The following NAA11 variants were observed in gnomAD, a reference collection of about 807,000 sequenced individuals.
NAA11 encodes N-alpha-acetyltransferase 11.
In NAA11, 15 loss-of-function variants were observed where a neutral mutation model predicts 16.1. The observed-to-expected ratio is 0.93, with a 90% CI of 0.62 to 1.44. NAA11 has a LOEUF of 1.44. Among genes scored for constraint, NAA11 ranks in the 40% most tolerant of loss-of-function variants. NAA11 has a pLI of 0.00. For missense variants in NAA11, 298 were observed against 291.3 expected (o/e 1.02, Z -0.17); for synonymous variants, 122 against 112.4 (o/e 1.09, Z -0.54).
intron 1 of NAA11, 119 bp downstream of exon 1, chr4:79,325,057 G>T: frequency 1.1e-6 from 1 of 883,672 alleles, no homozygotes; most frequent in Non-Finnish European, 1.7e-6. Flanking sequence ...TCACCAGGTG[G>T]TTTTTACCGT....
At chr4:79,205,252 C>T in the NAA11 span, among the ~76,000 whole-genome samples, 1 of 152,018 alleles carries the variant, frequency 6.6e-6, no homozygotes, top group African/African-American at 2.4e-5. Flanking sequence ...ACATTGTTTT[C>T]CATAGAGGTT....
chr4:79,272,255 T>G (rs1175633902), intron 2 of NAA11, among the ~76,000 whole-genome samples: 1 of 152,068 alleles, frequency 6.6e-6, no homozygotes, highest in African/African-American at 2.4e-5. Flanking sequence ...CATCTACAGA[T>G]TCATATTTGA....
rs548749924 is a variant in NAA11 at position 79,281,337 on chromosome 4, A to G, written c.*122+12668T>C. Reference sequence around the variant, plus strand: ...TCCAACTGTAGAAATGATGTGGCATAGATAATAAATACATATCATAAAGTA... The same window carrying G: ...TCCAACTGTAGAAATGATGTGGCATGGATAATAAATACATATCATAAAGTA... On this transcript the variant is annotated intron_variant and NMD_transcript_variant, in intron 2 of 2. Coordinates refer to the NAA11 transcript ENST00000511542. Among the ~76,000 whole-genome samples the G allele has an allele frequency of 4.6e-5, 7 of 152,106 alleles. No homozygotes were observed. In the East Asian group the frequency reaches 7.7e-4, roughly 17 times the overall value.
At chr4:79,222,385 C>A (rs1432096047), downstream of NAA11, among the ~76,000 whole-genome samples, 1 of 151,660 alleles carries the variant, frequency 6.6e-6, no homozygotes, top group African/African-American at 2.4e-5. Flanking sequence ...GAAAAACAAG[C>A]AATGGGGAAA....
chr4:79,189,145 C>CAAAAAAAAA, the NAA11 span, among the ~76,000 whole-genome samples: 31 of 42,290 alleles, frequency 7.3e-4, 8 homozygotes, highest in South Asian at 9.2e-3. Context: ...GACTCCATCT[C>CAAAAAAAAA]AAAAAAAAAA....
downstream of NAA11, among the ~76,000 whole-genome samples, chr4:79,312,012 A>C (rs976439377): frequency 2.6e-5 from 4 of 152,094 alleles, no homozygotes; most frequent in African/African-American, 9.7e-5. Context: ...CCTTTCTTTC[A>C]CATTAATCTA....
At chr4:79,198,654 C>A in the NAA11 span, among the ~76,000 whole-genome samples, 3 of 151,702 alleles carry the variant, frequency 2.0e-5, no homozygotes, top group African/African-American at 7.3e-5. Context: ...GAGAGAACAG[C>A]GACATTTTCC....
chr4:79,227,681 A>C (rs971793374), intron 2 of NAA11: 1 of 151,990 alleles, frequency 6.6e-6, no homozygotes, highest in African/African-American at 2.4e-5. Context: ...ACTGTTTTTT[A>C]GGTGAGGCCT....
rs537692845 is a variant in NAA11 at position 79,285,296 on chromosome 4, G to C, written c.*122+8709C>G. Among the ~76,000 whole-genome samples the C allele has an allele frequency of 2.6e-5, 4 of 152,212 alleles. No individual in the cohort carries two copies. In the South Asian group the frequency reaches 8.3e-4, roughly 32 times the overall value. On this transcript the variant is annotated intron_variant and NMD_transcript_variant, in intron 2 of 2. Coordinates refer to the NAA11 transcript ENST00000511542. The stretch of plus-strand genomic sequence containing the variant: ...AAGAACACACAGACTATTCATCACA[G>C]CACTTTAAAACTATGCAGTGTTTTT...
the NAA11 span, among the ~76,000 whole-genome samples, chr4:79,172,905 C>T: frequency 6.6e-6 from 1 of 152,108 alleles, no homozygotes; most frequent in Non-Finnish European, 1.5e-5. Context: ...ACAGCTAAGA[C>T]TGCAGAGGCA....
chr4:79,230,915 A>G (rs1721448226), intron 2 of NAA11, among the ~76,000 whole-genome samples: 1 of 151,946 alleles, frequency 6.6e-6, no homozygotes, highest in Non-Finnish European at 1.5e-5. Flanking sequence ...TGACTCCCAA[A>G]ATTTTATTAG....
At chr4:79,226,357 A>T (rs879751045) in intron 2 of NAA11, 7 of 152,000 alleles carry the variant, frequency 4.6e-5, no homozygotes, top group Admixed American at 3.9e-4. Context: ...TCTTCTGATC[A>T]TCATGCGTCC....
At chr4:79,161,977 G>A in the NAA11 span, among the ~76,000 whole-genome samples, 6 of 152,082 alleles carry the variant, frequency 3.9e-5, no homozygotes, top group Non-Finnish European at 7.4e-5. Flanking sequence ...CACCACACCC[G>A]GCCTACTTAG....
chr4:79,267,590 C>T (rs979247028), intron 2 of NAA11, among the ~76,000 whole-genome samples: 2 of 152,100 alleles, frequency 1.3e-5, no homozygotes, highest in African/African-American at 4.8e-5. Flanking sequence ...AATGGAATCT[C>T]ATAACTGCAA....
At chr4:79,251,464 G>A (rs1019951939) in intron 2 of NAA11, among the ~76,000 whole-genome samples, 89 of 152,160 alleles carry the variant, frequency 5.8e-4, no homozygotes, top group African/African-American at 2.1e-3. Context: ...ACAGACACTG[G>A]GGCCTACTTG....
chr4:79,314,219 A>G (rs1380403730), downstream of NAA11, among the ~76,000 whole-genome samples: 1 of 152,204 alleles, frequency 6.6e-6, no homozygotes, highest in Non-Finnish European at 1.5e-5. Flanking sequence ...AAAGTTGAGC[A>G]GAGTTCCCAT....
chr4:79,189,148 A>AAAAAAAAAAAAAAAAAAAAC, the NAA11 span, among the ~76,000 whole-genome samples: 2 of 145,852 alleles, frequency 1.4e-5, no homozygotes, highest in Non-Finnish European at 3.0e-5. Context: ...TCCATCTCAA[A>AAAAAAAAAAAAAAAAAAAAC]AAAAAAAAAA....
the NAA11 span, among the ~76,000 whole-genome samples, chr4:79,200,398 G>A: frequency 6.6e-6 from 1 of 151,726 alleles, no homozygotes; most frequent in African/African-American, 2.4e-5. Context: ...GAGGGAAGAA[G>A]GCATTCAGCA....
chr4:79,166,339 G>C, the NAA11 span, among the ~76,000 whole-genome samples: 1 of 151,844 alleles, frequency 6.6e-6, no homozygotes, highest in Admixed American at 6.6e-5. Flanking sequence ...TATTATTTCA[G>C]ATCCAGCTGA....
Sources: allele counts gnomAD v4.1 joint callset (sites outside exome capture counted in the v4.1 genomes callset), GRCh38; gene constraint gnomAD v4.1.1; transcripts MANE v1.5; gene names NCBI Gene and HGNC (gene_info 2026-07-23, HGNC 2026-07-21).